Variants in ADAM28 observed in about 807,000 individuals in gnomAD.
The protein encoded by ADAM28 is disintegrin and metalloproteinase domain-containing protein 28.
In ADAM28, 105 loss-of-function variants were observed where a neutral mutation model predicts 101.2. That is an observed-to-expected ratio of 1.04 (90% CI 0.89 to 1.22). The LOEUF (loss-of-function observed/expected upper bound fraction) is 1.22. ADAM28 is among the 50% of genes most tolerant of loss of function. The probability of loss-of-function intolerance (pLI) is 0.00; values close to 1 mark genes in which losing one functional copy is unlikely to be tolerated. For missense variants in ADAM28, 1,028 were observed against 945.4 expected (o/e 1.09, Z -1.15); for synonymous variants, 322 against 310.6 (o/e 1.04, Z -0.39).
In ADAM28 at chr8:24,318,741, A is replaced by G. The variant is rs1380955080; in HGVS notation, c.577-1495A>G. Among the ~76,000 whole-genome samples the G allele has an allele frequency of 2.6e-5, 4 of 151,898 alleles. No individual in the cohort carries two copies. In the South Asian group the frequency reaches 6.2e-4, roughly 24 times the overall value. ...TCTCTTTTTCTTCATCCCGCCTTAT[A>G]TGGTATCCATCAGCAAGTGCCTCCG... On this transcript the variant is annotated intron_variant, in intron 6 of 22. Transcript: ENST00000265769.
intron 2 of ADAM28, among the ~76,000 whole-genome samples, chr8:24,306,447 C>T (rs531694198): frequency 2.0e-5 from 3 of 146,388 alleles, no homozygotes; most frequent in Non-Finnish European, 4.5e-5. Context: ...AGAAGCATTC[C>T]AACAGAATGA....
chr8:24,332,751 T>G lies in ADAM28; in HGVS notation c.1371+2T>G. 1 of 1,417,554 alleles carries G rather than the reference T, an allele frequency of 7.1e-7. No homozygotes were observed. The highest frequency in any genetic ancestry group is 9.4e-7 in the Non-Finnish European group (1 of 1,062,460). The allele number at this position is 1,417,554 out of a possible 1,614,324, so 87.8% of individuals were successfully genotyped here. On this transcript the variant is annotated splice_donor_variant, in intron 13 of 22. Transcript: ENST00000265769. LOFTEE classifies it high-confidence loss of function. ...GGAGAATGTTGTGAAAAATGCCAAG[T>G]AAGATTATTTTATTCTATTTTAATA... is the stretch of plus-strand genomic sequence containing the variant.
intron 13 of ADAM28, among the ~76,000 whole-genome samples, chr8:24,334,940 A>C (rs965932165): frequency 6.6e-6 from 1 of 152,190 alleles, no homozygotes; most frequent in Non-Finnish European, 1.5e-5. Flanking sequence ...GTTGAAAGGA[A>C]ATAGCTGAAC....
intron 6 of ADAM28, among the ~76,000 whole-genome samples, chr8:24,317,352 G>A (rs934326587): frequency 1.3e-5 from 2 of 151,984 alleles, no homozygotes; most frequent in African/African-American, 2.4e-5. Flanking sequence ...ACCAGTGGAT[G>A]AGAATAGCAA....
At chr8:24,330,615 C>A (rs1813244964) in intron 11 of ADAM28, among the ~76,000 whole-genome samples, 1 of 152,112 alleles carries the variant, frequency 6.6e-6, no homozygotes, top group African/African-American at 2.4e-5. Context: ...ACTCTATAAA[C>A]TCTATTTCCT....
intron 1 of ADAM28, among the ~76,000 whole-genome samples, chr8:24,296,843 G>C (rs540008481): frequency 6.6e-6 from 1 of 152,124 alleles, no homozygotes; most frequent in African/African-American, 2.4e-5. Flanking sequence ...TGTTCCTCAG[G>C]CTTCAAAAAT....
chr8:24,353,406 A>G (rs1371335769), intron 21 of ADAM28, among the ~76,000 whole-genome samples: 1 of 139,052 alleles, frequency 7.2e-6, no homozygotes, highest in Admixed American at 7.7e-5. Context: ...CTGTGGGTAA[A>G]TGAGAAAGAC....
At chr8:24,317,838 C>A (rs1389528415) in intron 6 of ADAM28, among the ~76,000 whole-genome samples, 2 of 151,940 alleles carry the variant, frequency 1.3e-5, no homozygotes, top group South Asian at 4.1e-4. Flanking sequence ...TGGGGAGATT[C>A]GGGTCTAAGG....
chr8:24,308,184 C>T (rs1356377958), intron 2 of ADAM28, among the ~76,000 whole-genome samples: 1 of 152,058 alleles, frequency 6.6e-6, no homozygotes, highest in Non-Finnish European at 1.5e-5. Flanking sequence ...CTCTCCAAAT[C>T]AAGGTGCATC....
chr8:24,312,047 C>T (rs926858331), intron 5 of ADAM28, among the ~76,000 whole-genome samples: 58 of 152,230 alleles, frequency 3.8e-4, no homozygotes, highest in African/African-American at 1.4e-3. Flanking sequence ...ACTCTCTCCC[C>T]ACTTTAAGCT....
chr8:24,351,410 T>C, intron 20 of ADAM28, 100 bp downstream of exon 20: 1 of 1,265,036 alleles, frequency 7.9e-7, no homozygotes, highest in Non-Finnish European at 1.2e-6. Context: ...CCCAGCAGCG[T>C]TTTGCAGTAA....
intron 2 of ADAM28, among the ~76,000 whole-genome samples, chr8:24,304,930 A>ATAG (rs1809353954): frequency 8.7e-6 from 1 of 115,438 alleles, no homozygotes; most frequent in Non-Finnish European, 1.9e-5. Context: ...AAAAAAAAAA[A>ATAG]ATAGATTATG....
intron 6 of ADAM28, 48 bp downstream of exon 6, chr8:24,313,628 G>C: frequency 6.4e-7 from 1 of 1,565,858 alleles, no homozygotes; most frequent in Non-Finnish European, 8.7e-7. Context: ...ATTCTGCCCT[G>C]GTTTCCAGAA....
At chr8:24,348,933 C>A (rs6995521) in intron 18 of ADAM28, among the ~76,000 whole-genome samples, 10,968 of 152,194 alleles carry the variant, frequency 0.072, 691 homozygotes, top group African/African-American at 0.17. Context: ...CTGAATGTAT[C>A]TACACTATAA....
intron 3 of ADAM28, 81 bp from the exon 4 acceptor site, chr8:24,310,082 T>C: frequency 6.5e-7 from 1 of 1,531,614 alleles, no homozygotes; most frequent in South Asian, 1.1e-5. Flanking sequence ...AATCAGCGTT[T>C]GCTCTCAAAT....
rs1816654454 is a variant in ADAM28, at chr8:24,355,927, A to G, written c.*1523A>G. 1.3e-5 allele frequency: 2 copies of G among 152,052 alleles called. No homozygotes were observed. Among genetic ancestry groups the G allele is most frequent in the Admixed American group, 6.6e-5 (1 of 15,248 alleles). 9.4% of individuals were successfully genotyped at this position (152,052 alleles called of 1,614,324 possible). On this transcript the variant is annotated 3_prime_UTR_variant, in exon 23 of 23. Transcript: ENST00000265769. Reference sequence around the variant, plus strand: ...TCATCACAGCTACAGTTTTTCTTGTATTTGTCTGCTTCACCCATTTCTATC... The same window carrying G: ...TCATCACAGCTACAGTTTTTCTTGTGTTTGTCTGCTTCACCCATTTCTATC...
Position 24,313,538 on chromosome 8 carries a change from C to T in ADAM28, c.534C>T (p.His178=), listed in dbSNP as rs6996616. Residue 178 remains histidine, a synonymous_variant, in exon 6 of 23, where the codon CAC becomes CAT. Transcript: ENST00000265769. ...GGATGGATGGTGTGTTGTGGGCCCA[C>T]GATTTGCAGCAGAACATTGCCCTAC... is the stretch of plus-strand genomic sequence containing the variant. The part of the protein sequence containing the change: ...TCGMDGVLWA[H]DLQQNIALPA... 255,114 of 1,613,300 alleles carry T rather than the reference C, an allele frequency of 0.16. 21,635 individuals are homozygous for T. The highest frequency in any genetic ancestry group is 0.34 in the East Asian group (15,390 of 44,836).
chr8:24,351,581 C>A, intron 20 of ADAM28: 1 of 525,722 alleles, frequency 1.9e-6, no homozygotes, highest in Non-Finnish European at 3.4e-6. Context: ...CTGCTTCATT[C>A]TCTCTCCCTC....
rs140812873 is a variant in ADAM28 at position 24,337,614 on chromosome 8, G to A, written c.1568-1852G>A. On this transcript the variant is annotated intron_variant, in intron 14 of 22. Coordinates refer to ENST00000265769, the MANE Select transcript of ADAM28 (RefSeq NM_014265.6). The stretch of plus-strand genomic sequence containing the variant: ...ATTTATCTGATCAGGAAATGGAGTA[G>A]ACCTCTTAAGTCATACATTTAAATA... 6.2e-4 allele frequency among the ~76,000 whole-genome samples: 95 copies of A among 152,236 alleles called. 1 individual carries two copies. Among genetic ancestry groups the A allele is most frequent in the Admixed American group, 5.2e-3 (79 of 15,280 alleles).
Sources: gnomAD v4.1 joint callset for allele counts (sites outside exome capture counted in the v4.1 genomes callset) on GRCh38, gnomAD v4.1.1 for gene constraint, MANE v1.5 for transcripts, NCBI Gene and HGNC (gene_info 2026-07-23, HGNC 2026-07-21) for gene names.